MAP2: variants seen among roughly 807,000 people sequenced by gnomAD.
MAP2 encodes the protein microtubule associated protein 2.
MAP2 carries 14 observed loss-of-function variants against 137.6 expected under a neutral mutation model. The observed-to-expected ratio is 0.10, with a 90% CI of 0.07 to 0.16. The LOEUF (loss-of-function observed/expected upper bound fraction) is 0.16, where lower values mean the gene tolerates loss of function less well. Ranked by LOEUF, MAP2 falls within the 10% of genes least tolerant of loss-of-function variation. The pLI is 1.00. For synonymous variants in MAP2, 786 were observed against 782.3 expected, an observed-to-expected ratio of 1.00 and a Z score of -0.08; for missense variants, 2,088 against 2,191.5, an observed-to-expected ratio of 0.95 and a Z score of 0.94.
intron 4 of MAP2, among the ~76,000 whole-genome samples, chr2:209,650,510 T>C (rs1468251472): frequency 1.3e-5 from 2 of 152,142 alleles, no homozygotes; most frequent in African/African-American, 4.8e-5. Context: ...ATATGATTTA[T>C]CTGATTAGTA....
chr2:209,623,530 A>G (rs1394373468), intron 3 of MAP2, among the ~76,000 whole-genome samples: 1 of 152,212 alleles, frequency 6.6e-6, no homozygotes, highest in Non-Finnish European at 1.5e-5. Context: ...CAGATATTCT[A>G]TCCAGCATTC....
intron 2 of MAP2, among the ~76,000 whole-genome samples, chr2:209,555,797 T>TGGCATTATTATAAAGAA (rs992402233): frequency 1.3e-5 from 2 of 152,278 alleles, no homozygotes; most frequent in African/African-American, 4.8e-5. Context: ...ATTTAATATT[T>TGGCATTATTATAAAGAA]GTCTTTATAA....
chr2:209,467,818 G>A (rs1041040215), intron 1 of MAP2, among the ~76,000 whole-genome samples: 1 of 152,072 alleles, frequency 6.6e-6, no homozygotes, highest in Non-Finnish European at 1.5e-5. Context: ...CTTAACATCC[G>A]TTTGCCTCAG....
At chr2:209,698,400 A>T (rs1017802798) in intron 10 of MAP2, among the ~76,000 whole-genome samples, 1 of 152,214 alleles carries the variant, frequency 6.6e-6, no homozygotes, top group African/African-American at 2.4e-5. Flanking sequence ...AAAATGACAG[A>T]TTGCTAAATC....
intron 3 of MAP2, among the ~76,000 whole-genome samples, chr2:209,583,331 G>C (rs950859533): frequency 1.3e-5 from 2 of 151,984 alleles, no homozygotes; most frequent in Non-Finnish European, 2.9e-5. Context: ...AGATAAATTA[G>C]GAAGTTTTAA....
At chr2:209,527,416 T>C (rs1167910240) in intron 2 of MAP2, among the ~76,000 whole-genome samples, 1 of 152,162 alleles carries the variant, frequency 6.6e-6, no homozygotes, top group African/African-American at 2.4e-5. Flanking sequence ...ATCTGTTCAA[T>C]GAATATGAAT....
At chr2:209,598,337 G>A (rs114333495) in intron 3 of MAP2, among the ~76,000 whole-genome samples, 3,624 of 152,078 alleles carry the variant, frequency 0.024, 75 homozygotes, top group Middle Eastern at 0.068. Flanking sequence ...TTGAACCCCG[G>A]CACCCAGTGC....
At chr2:209,598,576 C>T (rs1193694750) in intron 3 of MAP2, among the ~76,000 whole-genome samples, 1 of 146,202 alleles carries the variant, frequency 6.8e-6, no homozygotes, top group Non-Finnish European at 1.5e-5. Flanking sequence ...TTAGGTATAT[C>T]TCCCAATGCT....
intron 1 of MAP2, among the ~76,000 whole-genome samples, chr2:209,492,158 T>A (rs1410472949): frequency 1.6e-5 from 1 of 63,012 alleles, no homozygotes; most frequent in Non-Finnish European, 5.0e-5. Context: ...TCAATAAATG[T>A]AATCCATCAC....
At chr2:209,442,668 C>G (rs1470954413) in intron 1 of MAP2, among the ~76,000 whole-genome samples, 1 of 151,588 alleles carries the variant, frequency 6.6e-6, no homozygotes, top group Admixed American at 6.6e-5. Context: ...GTTTGGGAAT[C>G]TTCCCTGAGA....
chr2:209,595,072 T>C (rs2080881645), intron 3 of MAP2, among the ~76,000 whole-genome samples: 1 of 152,162 alleles, frequency 6.6e-6, no homozygotes, highest in Non-Finnish European at 1.5e-5. Context: ...TATATGGTGG[T>C]AGCAGTATTA....
intron 1 of MAP2, among the ~76,000 whole-genome samples, chr2:209,452,503 C>T (rs1246572756): frequency 6.6e-6 from 1 of 152,110 alleles, no homozygotes; most frequent in Non-Finnish European, 1.5e-5. Flanking sequence ...TTATGGTATC[C>T]TGAGGCATAT....
At chr2:209,591,345 A>T (rs2079186516) in intron 3 of MAP2, among the ~76,000 whole-genome samples, 2 of 152,224 alleles carry the variant, frequency 1.3e-5, no homozygotes, top group South Asian at 4.1e-4. Flanking sequence ...AACCTCCTAC[A>T]GTGAACAGCT....
intron 1 of MAP2, among the ~76,000 whole-genome samples, chr2:209,507,161 A>G (rs112605303): frequency 3.9e-5 from 6 of 152,222 alleles, no homozygotes; most frequent in African/African-American, 1.4e-4. Flanking sequence ...CAACATATGA[A>G]TTTGGGGTGG....
chr2:209,493,174 T>TG (rs1207998883), intron 1 of MAP2, among the ~76,000 whole-genome samples: 3 of 152,064 alleles, frequency 2.0e-5, no homozygotes, highest in Non-Finnish European at 4.4e-5. Flanking sequence ...AAACAAGCAA[T>TG]GGGGAAAGGA....
At chr2:209,486,631 T>G (rs2058419692) in intron 1 of MAP2, among the ~76,000 whole-genome samples, 1 of 152,256 alleles carries the variant, frequency 6.6e-6, no homozygotes, top group African/African-American at 2.4e-5. Context: ...ATACTAAAGA[T>G]GAAATTGGTC....
At chr2:209,730,144 T>G in intron 15 of MAP2, 38 bp from the exon 16 acceptor site, 1 of 1,529,312 alleles carries the variant, frequency 6.5e-7, no homozygotes, top group Non-Finnish European at 9.1e-7. Context: ...CCAGTTAAGA[T>G]GCATGAGTTA....
rs1312170509 is a variant in MAP2, at chr2:209,695,118, CTGG to C, written c.2951_2953del (p.Gly984del). 1 of 1,613,964 alleles carries C rather than the reference CTGG, an allele frequency of 6.2e-7. No individual in the cohort carries two copies. Among genetic ancestry groups the C allele is most frequent in the Non-Finnish European group, 8.5e-7 (1 of 1,180,012 alleles). On this transcript the variant is annotated inframe_deletion, in exon 8 of 16. Coordinates refer to ENST00000682079, the MANE Select transcript of MAP2 (RefSeq NM_001375505.1). ...GAACATGCCAAGAAAACTGAAGAGG[CTGG>C]TGATGAAATAGAAACATTCGGATTA...
At chr2:209,544,848 T>C (rs1319589064) in intron 2 of MAP2, among the ~76,000 whole-genome samples, 3 of 152,208 alleles carry the variant, frequency 2.0e-5, no homozygotes, top group East Asian at 1.9e-4. Context: ...TATGTGCACA[T>C]TGAAATACAA....
Sources: gnomAD v4.1 joint callset for allele counts (sites outside exome capture counted in the v4.1 genomes callset) on GRCh38, gnomAD v4.1.1 for gene constraint, MANE v1.5 for transcripts, NCBI Gene and HGNC (gene_info 2026-07-23, HGNC 2026-07-21) for gene names.